AUTS2: variants seen among roughly 807,000 people sequenced by gnomAD.
AUTS2 encodes the protein activator of transcription and developmental regulator AUTS2.
A neutral mutation model predicts 112.4 loss-of-function variants in AUTS2; 17 were observed. The observed-to-expected ratio is 0.15, with a 90% CI of 0.10 to 0.23. The LOEUF is 0.23. AUTS2 is among the 10% of genes least tolerant of loss of function. The pLI, the probability that AUTS2 is intolerant of heterozygous loss-of-function variation, is 1.00. For synonymous variants in AUTS2, 751 were observed against 702.7 expected (o/e 1.07, Z -1.09); for missense variants, 1,510 against 1,701.6 (o/e 0.89, Z 1.98).
intron 2 of AUTS2, among the ~76,000 whole-genome samples, chr7:70,047,131 T>G (rs1390561939): frequency 6.6e-6 from 1 of 152,206 alleles, no homozygotes; most frequent in East Asian, 1.9e-4. Context: ...TAGATGAAAT[T>G]ACCCCATGGA....
At chr7:69,716,741 T>C (rs1439608088) in intron 1 of AUTS2, among the ~76,000 whole-genome samples, 1 of 152,188 alleles carries the variant, frequency 6.6e-6, no homozygotes, top group Non-Finnish European at 1.5e-5. Context: ...TGTGTACTTC[T>C]GACCAACCAG....
intron 2 of AUTS2, among the ~76,000 whole-genome samples, chr7:70,031,373 G>T (rs938745649): frequency 1.3e-5 from 2 of 152,132 alleles, no homozygotes; most frequent in Non-Finnish European, 2.9e-5. Flanking sequence ...TGTTAACTGG[G>T]TTTATTAGCT....
At chr7:69,695,213 C>T (rs747836527) in intron 1 of AUTS2, among the ~76,000 whole-genome samples, 2 of 152,184 alleles carry the variant, frequency 1.3e-5, no homozygotes, top group East Asian at 1.9e-4. Context: ...CCTGTGGTCC[C>T]AGCTACTTTG....
Position 70,774,087 on chromosome 7 carries a change from A to G in AUTS2, c.1890A>G (p.Gln630=). Residue 630 remains glutamine, a synonymous_variant, in exon 12 of 19, where the codon CAA becomes CAG. Coordinates refer to ENST00000342771, the MANE Select transcript of AUTS2 (RefSeq NM_015570.4). ...GGACAGTCCCACACACTTTACTCCA[A>G]AAGGACCCGAGGGTACGTGCAAAGT... ...RPGTVPHTLL[Q]KDPRLTDPFR... is the part of the protein sequence containing the mutation. 1.2e-6 allele frequency: 2 copies of G among 1,614,158 alleles called. No homozygotes were observed. Among genetic ancestry groups the G allele is most frequent in the Non-Finnish European group, 1.7e-6 (2 of 1,180,020 alleles).
chr7:70,059,548 C>A (rs73160125), intron 2 of AUTS2, among the ~76,000 whole-genome samples: 1 of 152,212 alleles, frequency 6.6e-6, no homozygotes, highest in Non-Finnish European at 1.5e-5. Context: ...AGAGCTATTG[C>A]AAGAGTCATA....
intron 2 of AUTS2, among the ~76,000 whole-genome samples, chr7:70,070,679 A>C (rs186225537): frequency 7.4e-4 from 113 of 152,234 alleles, no homozygotes; most frequent in African/African-American, 2.2e-3. Flanking sequence ...TCCATGGCTA[A>C]CACGGTGAAA....
rs114207649 is a variant in AUTS2, at chr7:70,009,893, A to G, written c.523-108239A>G. Among the ~76,000 whole-genome samples the G allele has an allele frequency of 6.3e-3, 953 of 152,320 alleles. 10 individuals carry two copies. Among genetic ancestry groups the G allele is most frequent in the East Asian group, 0.017 (88 of 5,178 alleles). On this transcript the variant is annotated intron_variant, in intron 2 of 18. Coordinates refer to ENST00000342771, the MANE Select transcript of AUTS2 (RefSeq NM_015570.4). The stretch of plus-strand genomic sequence containing the variant: ...GTGAGTTCCATCCTTTCTTTTTTTA[A>G]AGAATTTGCATATCTACCTTATCCA...
intron 5 of AUTS2, among the ~76,000 whole-genome samples, chr7:70,645,593 G>A (rs1438364596): frequency 6.6e-6 from 1 of 152,130 alleles, no homozygotes; most frequent in Non-Finnish European, 1.5e-5. Context: ...AGACCATGGG[G>A]CCTGCTCACG....
chr7:69,666,787 A>G (rs1796067220), intron 1 of AUTS2, among the ~76,000 whole-genome samples: 1 of 152,118 alleles, frequency 6.6e-6, no homozygotes, highest in South Asian at 2.1e-4. Context: ...CTATAGTCAT[A>G]GCTAGTCGGG....
chr7:70,541,396 C>T (rs1418679335), intron 5 of AUTS2, among the ~76,000 whole-genome samples: 3 of 152,176 alleles, frequency 2.0e-5, no homozygotes, highest in Non-Finnish European at 4.4e-5. Context: ...TCGAGTCATT[C>T]TTCACATACA....
chr7:70,110,121 A>G (rs1370602166), intron 2 of AUTS2, among the ~76,000 whole-genome samples: 2 of 152,218 alleles, frequency 1.3e-5, no homozygotes, highest in Non-Finnish European at 1.5e-5. Flanking sequence ...GTCTATAGTA[A>G]TGATGTCAAA....
At position 69,599,023 on chromosome 7, in the gene AUTS2, G is replaced by C. The variant is rs1020199152; in HGVS notation, c.-631G>C. The C allele has an allele frequency of 1.3e-5, 2 of 152,034 alleles. No individual in the cohort carries two copies. The highest frequency in any genetic ancestry group is 4.8e-5 in the African/African-American group (2 of 41,372). The allele number at this position is 152,034 out of a possible 1,614,324, so 9.4% of individuals were successfully genotyped here. A position where few individuals can be genotyped will look rare whatever the true frequency, so the allele number is the denominator to read the frequency against. On this transcript the variant is annotated 5_prime_UTR_variant, in exon 1 of 19. Coordinates refer to ENST00000342771, the MANE Select transcript of AUTS2 (RefSeq NM_015570.4). This position sits in a 1 kb window ranked among gnomAD's most constrained non-coding sequence, Gnocchi z 7.0. ...TCGCTCCGGAGCCCCGGCCTCCCCT[G>C]GCTGCATTTCTTAAAAATTTGGGAG...
Position 70,619,564 on chromosome 7 carries a change from T to TAAA in AUTS2, c.691-78995_691-78993dup, listed in dbSNP as rs10658629. On this transcript the variant is annotated intron_variant, in intron 5 of 18. Coordinates refer to ENST00000342771, the MANE Select transcript of AUTS2 (RefSeq NM_015570.4). ...TAATTAGAAGTGCTGGTCAAGGTAT[T>TAAA]AAAAAAAAAAAACAGCCAAAGGGGA... Among the ~76,000 whole-genome samples, 799 of 146,928 alleles carry TAAA rather than the reference T, an allele frequency of 5.4e-3. 4 individuals carry two copies. Among genetic ancestry groups the TAAA allele is most frequent in the Non-Finnish European group, 7.6e-3 (506 of 66,702 alleles).
At chr7:69,983,611 A>G (rs1798386649) in intron 2 of AUTS2, among the ~76,000 whole-genome samples, 1 of 152,154 alleles carries the variant, frequency 6.6e-6, no homozygotes, top group Admixed American at 6.5e-5. Flanking sequence ...ATGAGTCTTA[A>G]TGTAGGATTA....
chr7:69,937,076 T>TTC (rs1163608926), intron 2 of AUTS2, among the ~76,000 whole-genome samples: 1 of 152,098 alleles, frequency 6.6e-6, no homozygotes, highest in Non-Finnish European at 1.5e-5. Flanking sequence ...AGGAGCTGTG[T>TTC]GTGATGTGGA....
At chr7:69,716,395 C>A (rs763420776) in intron 1 of AUTS2, among the ~76,000 whole-genome samples, 18 of 151,890 alleles carry the variant, frequency 1.2e-4, no homozygotes, top group Non-Finnish European at 2.1e-4. Flanking sequence ...ACTATATGAC[C>A]TGATTAGACA....
At chr7:70,101,915 T>G (rs565759895) in intron 2 of AUTS2, among the ~76,000 whole-genome samples, 1 of 152,278 alleles carries the variant, frequency 6.6e-6, no homozygotes, top group Non-Finnish European at 1.5e-5. Context: ...TCCATATTAT[T>G]GCTGTAAGTA....
At chr7:70,400,464 T>C (rs1304729178) in intron 4 of AUTS2, among the ~76,000 whole-genome samples, 2 of 152,082 alleles carry the variant, frequency 1.3e-5, no homozygotes, top group East Asian at 1.9e-4. Flanking sequence ...AGGAAGGACA[T>C]TGAAGGCAGA....
At chr7:70,458,366 G>A (rs1210798353) in intron 5 of AUTS2, among the ~76,000 whole-genome samples, 1 of 152,198 alleles carries the variant, frequency 6.6e-6, no homozygotes, top group Non-Finnish European at 1.5e-5. Context: ...GCTCCCCCCA[G>A]CTCTGGTCCT....
Sources: allele counts gnomAD v4.1 joint callset (sites outside exome capture counted in the v4.1 genomes callset), GRCh38; gene constraint gnomAD v4.1.1; non-coding constraint Gnocchi (gnomAD v3.1); transcripts MANE v1.5; gene names NCBI Gene and HGNC (gene_info 2026-07-23, HGNC 2026-07-21).